Variants in PACRG observed in about 807,000 individuals in gnomAD.
PACRG encodes the protein parkin coregulated, also known as parkin coregulated gene protein.
PACRG carries 29 observed loss-of-function variants against 29.7 expected under a neutral mutation model. The observed-to-expected ratio is 0.98, with a 90% CI of 0.73 to 1.33. PACRG has a LOEUF of 1.33. Ranked by LOEUF, PACRG falls within the 40% of genes most tolerant of loss-of-function variation. PACRG has a pLI of 0.00. For missense variants in PACRG, 279 were observed against 316.2 expected (o/e 0.88, Z 0.89); for synonymous variants, 116 against 118.7 (o/e 0.98, Z 0.15).
intron 2 of PACRG, among the ~76,000 whole-genome samples, chr6:162,829,287 C>T (rs1399851420): frequency 6.6e-6 from 1 of 152,208 alleles, no homozygotes; most frequent in Non-Finnish European, 1.5e-5. Context: ...AAGACACATT[C>T]AGATGGAGTC....
chr6:162,806,933 G>C (rs546388188), intron 1 of PACRG, among the ~76,000 whole-genome samples: 1 of 152,290 alleles, frequency 6.6e-6, no homozygotes, highest in Admixed American at 6.5e-5. Context: ...GTTGTTTACT[G>C]TAGCCACTTT....
rs556240271 is a variant in PACRG at position 163,083,681 on chromosome 6, A to T, written c.464-5578A>T. ...CGTTGTCTGTTTATGTGCCGTGCCC[A>T]TTTTTTTAATTGGAAGATTCAGTCC... On this transcript the variant is annotated intron_variant, in intron 3 of 4. Transcript: ENST00000366888. Among the ~76,000 whole-genome samples the T allele has an allele frequency of 2.0e-5, 3 of 152,204 alleles. No homozygotes were observed. The East Asian group carries it at 5.8e-4, about 29-fold the overall frequency.
chr6:163,262,918 C>T (rs1041858947), intron 4 of PACRG, among the ~76,000 whole-genome samples: 2 of 145,470 alleles, frequency 1.4e-5, no homozygotes, highest in African/African-American at 2.5e-5. Flanking sequence ...AGTGTGGTGG[C>T]GCATGCCCAG....
intron 1 of PACRG, among the ~76,000 whole-genome samples, chr6:162,749,731 G>C (rs1781376507): frequency 6.6e-6 from 1 of 152,068 alleles, no homozygotes; most frequent in African/African-American, 2.4e-5. Flanking sequence ...TGTTGGCCAG[G>C]CTGGTCTCGA....
At chr6:163,244,650 C>A (rs1782626203) in intron 4 of PACRG, among the ~76,000 whole-genome samples, 2 of 152,332 alleles carry the variant, frequency 1.3e-5, no homozygotes, top group South Asian at 4.1e-4. Flanking sequence ...TTAAGTATCT[C>A]ATTCAGGATT....
chr6:163,071,282 C>T (rs1415707398), intron 3 of PACRG, among the ~76,000 whole-genome samples: 1 of 152,060 alleles, frequency 6.6e-6, no homozygotes, highest in East Asian at 1.9e-4. Flanking sequence ...AAGGATAGAC[C>T]ATATGTTAGG....
At chr6:162,941,959 A>G (rs766484769) in intron 2 of PACRG, among the ~76,000 whole-genome samples, 1 of 151,936 alleles carries the variant, frequency 6.6e-6, no homozygotes, top group Non-Finnish European at 1.5e-5. Context: ...ATAAATGTCC[A>G]CTCACCCTCT....
chr6:163,063,730 A>T (rs1811289329), intron 3 of PACRG, among the ~76,000 whole-genome samples: 1 of 152,056 alleles, frequency 6.6e-6, no homozygotes, highest in Non-Finnish European at 1.5e-5. Context: ...AGTGAAACCA[A>T]ACCAAAGGAC....
chr6:163,304,014 T>G (rs1446871188), intron 4 of PACRG, among the ~76,000 whole-genome samples: 19 of 60,770 alleles, frequency 3.1e-4, no homozygotes, highest in Non-Finnish European at 4.8e-4. Flanking sequence ...AGACTCCATT[T>G]CAAAAAAAAA....
At chr6:162,772,818 T>C (rs571581102) in intron 1 of PACRG, among the ~76,000 whole-genome samples, 25 of 152,280 alleles carry the variant, frequency 1.6e-4, no homozygotes, top group African/African-American at 6.0e-4. Context: ...ACAGATTTAG[T>C]TTTTACAGAG....
At chr6:162,989,426 A>G (rs1803213565) in intron 2 of PACRG, among the ~76,000 whole-genome samples, 2 of 152,216 alleles carry the variant, frequency 1.3e-5, no homozygotes, top group African/African-American at 4.8e-5. Context: ...TCAGATGCCA[A>G]AAACCATGGA....
At chr6:162,756,852 T>C (rs758492058) in intron 1 of PACRG, among the ~76,000 whole-genome samples, 1 of 152,172 alleles carries the variant, frequency 6.6e-6, no homozygotes, top group African/African-American at 2.4e-5. Flanking sequence ...TACATAAATA[T>C]CTTTTCCTTA....
In PACRG at chr6:162,893,039, G is replaced by T. The variant is rs7743651; in HGVS notation, c.291+78758G>T. 1.9e-4 allele frequency among the ~76,000 whole-genome samples: 26 copies of T among 136,674 alleles called. No individual in the cohort carries two copies. The East Asian group carries it at 4.0e-3, about 21-fold the overall frequency. 89.7% of individuals were successfully genotyped at this position (136,674 alleles called of 152,430 possible). A position where few individuals can be genotyped will look rare whatever the true frequency, so the allele number is the denominator to read the frequency against. On this transcript the variant is annotated intron_variant, in intron 2 of 4. Coordinates refer to ENST00000366888, the MANE Select transcript of PACRG (RefSeq NM_001080379.2). ...CTCGGCCCACATCCCGGAGAACCAC[G>T]TCAGCCTCAGGAGCCTCGGCCCACA...
chr6:162,858,261 A>G (rs1164596164), intron 2 of PACRG, among the ~76,000 whole-genome samples: 2 of 152,198 alleles, frequency 1.3e-5, no homozygotes, highest in African/African-American at 4.8e-5. Context: ...AAGGGGAAGC[A>G]AGGCATATCT....
intron 2 of PACRG, among the ~76,000 whole-genome samples, chr6:162,899,345 G>T (rs984671970): frequency 6.6e-6 from 1 of 152,044 alleles, no homozygotes; most frequent in Non-Finnish European, 1.5e-5. Flanking sequence ...CAGAAACCAC[G>T]GGGGGAAAGC....
At chr6:163,276,862 A>T (rs1784047601) in intron 4 of PACRG, among the ~76,000 whole-genome samples, 1 of 152,166 alleles carries the variant, frequency 6.6e-6, no homozygotes, top group African/African-American at 2.4e-5. Flanking sequence ...GTGAGCAATA[A>T]ATTTATGTTG....
chr6:162,855,351 C>T (rs915648532), intron 2 of PACRG, among the ~76,000 whole-genome samples: 4 of 152,190 alleles, frequency 2.6e-5, no homozygotes, highest in Admixed American at 6.5e-5. Context: ...GTCAGCCCTT[C>T]AGGACTTCAG....
chr6:162,851,296 G>C (rs1404926082), intron 2 of PACRG, among the ~76,000 whole-genome samples: 2 of 152,128 alleles, frequency 1.3e-5, no homozygotes, highest in African/African-American at 4.8e-5. Context: ...AGCTTCCCCA[G>C]CTCGGCTCCT....
At chr6:163,240,841 C>T (rs538820969) in intron 4 of PACRG, among the ~76,000 whole-genome samples, 1 of 152,356 alleles carries the variant, frequency 6.6e-6, no homozygotes, top group East Asian at 1.9e-4. Flanking sequence ...AGTATCCCCC[C>T]TCAAGTAAAC....
Sources: gnomAD v4.1 joint callset for allele counts (sites outside exome capture counted in the v4.1 genomes callset) on GRCh38, gnomAD v4.1.1 for gene constraint, MANE v1.5 for transcripts, NCBI Gene and HGNC (gene_info 2026-07-23, HGNC 2026-07-21) for gene names.